The following USP49 variants were observed in gnomAD, a reference collection of about 807,000 sequenced individuals.
USP49 encodes the protein ubiquitin specific peptidase 49, also known as ubiquitin carboxyl-terminal hydrolase 49.
USP49 carries 24 observed loss-of-function variants against 58.6 expected under a neutral mutation model. That is an observed-to-expected ratio of 0.41 (90% CI 0.30 to 0.58). The LOEUF (loss-of-function observed/expected upper bound fraction) is 0.58. Among genes scored for constraint, USP49 ranks in the 20% least tolerant of loss-of-function variants. The probability of loss-of-function intolerance (pLI) is 0.30; values close to 1 mark genes in which losing one functional copy is unlikely to be tolerated. For missense variants in USP49, 703 were observed against 866.1 expected (o/e 0.81, Z 2.36); for synonymous variants, 408 against 365.1 (o/e 1.12, Z -1.34).
At chr6:41,805,050 C>G (rs1279623654) in intron 4 of USP49, among the ~76,000 whole-genome samples, 3 of 152,218 alleles carry the variant, frequency 2.0e-5, no homozygotes, top group Admixed American at 6.5e-5. Context: ...GCCCGGCACA[C>G]CTGCCTTTTT....
intron 3 of USP49, among the ~76,000 whole-genome samples, chr6:41,811,122 G>A (rs1773250944): frequency 6.6e-6 from 1 of 152,070 alleles, no homozygotes; most frequent in Admixed American, 6.6e-5. Context: ...AGATGGCAGA[G>A]GCATGTCTTT....
chr6:41,815,716 G>A (rs1041267062), intron 3 of USP49, among the ~76,000 whole-genome samples: 1 of 152,178 alleles, frequency 6.6e-6, no homozygotes, highest in Non-Finnish European at 1.5e-5. Flanking sequence ...TGACCCAAGA[G>A]CTGGAATGTC....
chr6:41,887,565 G>A (rs1300546189), intron 2 of USP49, among the ~76,000 whole-genome samples: 3 of 152,110 alleles, frequency 2.0e-5, no homozygotes, highest in African/African-American at 7.2e-5. Flanking sequence ...ATGAGGGTAG[G>A]GAATAATGGA....
intron 3 of USP49, among the ~76,000 whole-genome samples, chr6:41,842,500 CA>C (rs1412446702): frequency 6.6e-6 from 1 of 152,134 alleles, no homozygotes; most frequent in Non-Finnish European, 1.5e-5. Context: ...CCCAAAACAA[CA>C]TAGAAGTATG....
At chr6:41,820,137 G>A (rs900369790) in intron 3 of USP49, among the ~76,000 whole-genome samples, 1 of 150,594 alleles carries the variant, frequency 6.6e-6, no homozygotes, top group Non-Finnish European at 1.5e-5. Context: ...AGATAACTGG[G>A]GAAAAATGTT....
At chr6:41,802,474 TATTTA>T (rs369378306) in intron 5 of USP49, among the ~76,000 whole-genome samples, 2,085 of 88,870 alleles carry the variant, frequency 0.023, 112 homozygotes, top group Non-Finnish European at 0.027. Flanking sequence ...ATTTATTTTT[TATTTA>T]TTTTTTTTTT....
chr6:41,837,994 A>G (rs1773757837), intron 3 of USP49, among the ~76,000 whole-genome samples: 1 of 152,224 alleles, frequency 6.6e-6, no homozygotes, highest in African/African-American at 2.4e-5. Flanking sequence ...CCACTTATAC[A>G]ATACTAGTGG....
In USP49 at chr6:41,798,417, G is replaced by A. The variant is rs896962519; in HGVS notation, c.1876+307C>T. ...GCCTCTTGAGTACCTGGGATTACCAGTGCCCACCACCACGCCCGGCTAATT... is the reference window on the plus strand; with the variant it reads ...GCCTCTTGAGTACCTGGGATTACCAATGCCCACCACCACGCCCGGCTAATT... On this transcript the variant is annotated intron_variant, in intron 7 of 7. Coordinates refer to ENST00000682992, the MANE Select transcript of USP49 (RefSeq NM_001286554.2). The A allele has an allele frequency of 3.6e-4, 170 of 474,668 alleles. No homozygotes were observed. In the Middle Eastern group the frequency reaches 4.1e-3, roughly 11 times the overall value. The allele number at this position is 474,668 out of a possible 1,614,324, so 29.4% of individuals were successfully genotyped here. A position where few individuals can be genotyped will look rare whatever the true frequency, so the allele number is the denominator to read the frequency against.
At chr6:41,817,548 C>T (rs1167132234) in intron 3 of USP49, among the ~76,000 whole-genome samples, 1 of 150,524 alleles carries the variant, frequency 6.6e-6, no homozygotes, top group African/African-American at 2.4e-5. Flanking sequence ...CAACCTCCAC[C>T]CACTGGGTTC....
intron 3 of USP49, among the ~76,000 whole-genome samples, chr6:41,843,727 G>A (rs550054563): frequency 5.5e-4 from 84 of 151,924 alleles, no homozygotes; most frequent in African/African-American, 2.0e-3. Context: ...GGGCAACATG[G>A]CAAAACCCTG....
intron 3 of USP49, among the ~76,000 whole-genome samples, chr6:41,819,810 A>G (rs759634149): frequency 2.0e-5 from 3 of 152,194 alleles, no homozygotes; most frequent in Non-Finnish European, 4.4e-5. Context: ...ACCTATTATA[A>G]AATACTCTTG....
At chr6:41,811,968 A>C (rs1773264194) in intron 3 of USP49, among the ~76,000 whole-genome samples, 1 of 152,190 alleles carries the variant, frequency 6.6e-6, no homozygotes, top group Non-Finnish European at 1.5e-5. Flanking sequence ...GTAGTCCCTG[A>C]ACTACCTACC....
chr6:41,812,474 A>G (rs1426726409), intron 3 of USP49, among the ~76,000 whole-genome samples: 4 of 151,506 alleles, frequency 2.6e-5, no homozygotes, highest in African/African-American at 9.7e-5. Flanking sequence ...CGGGCGGATC[A>G]CGAGGTCAGG....
At chr6:41,810,182 A>G (rs1773228969) in intron 3 of USP49, among the ~76,000 whole-genome samples, 3 of 150,588 alleles carry the variant, frequency 2.0e-5, no homozygotes, top group African/African-American at 7.3e-5. Flanking sequence ...TAAAAAAATA[A>G]AGAAAATAAT....
chr6:41,802,451 TA>T lies in USP49; in HGVS notation c.1561+1354del, dbSNP rs1342461115. Among the ~76,000 whole-genome samples, 282 of 88,258 alleles carry T rather than the reference TA, an allele frequency of 3.2e-3. 2 individuals carry two copies. Among genetic ancestry groups the T allele is most frequent in the Middle Eastern group, 5.0e-3 (1 of 200 alleles). The allele number at this position is 88,258 out of a possible 152,430, so 57.9% of individuals were successfully genotyped here. On this transcript the variant is annotated intron_variant, in intron 5 of 7. Transcript: ENST00000682992. ...TATTTTATTTATTTATTTATTTATT[TA>T]TTTATTTATTTATTTATTTTTTATT...
intron 3 of USP49, among the ~76,000 whole-genome samples, chr6:41,846,157 A>C (rs1024890075): frequency 6.6e-6 from 1 of 152,070 alleles, no homozygotes; most frequent in Non-Finnish European, 1.5e-5. Context: ...CTTTACTAAA[A>C]ATACAAAAAT....
chr6:41,842,702 G>T (rs1181754532), intron 3 of USP49, among the ~76,000 whole-genome samples: 1 of 152,044 alleles, frequency 6.6e-6, no homozygotes, highest in Non-Finnish European at 1.5e-5. Flanking sequence ...GCAAAAGTCA[G>T]CCAGGTCTTA....
intron 2 of USP49, among the ~76,000 whole-genome samples, chr6:41,884,729 T>C (rs1018411289): frequency 1.3e-4 from 20 of 152,352 alleles, no homozygotes; most frequent in Admixed American, 3.9e-4. Context: ...CCAAGAACTC[T>C]GCTTAAATAG....
chr6:41,888,641 C>G (rs1158061894), intron 2 of USP49, among the ~76,000 whole-genome samples: 1 of 151,772 alleles, frequency 6.6e-6, no homozygotes, highest in Non-Finnish European at 1.5e-5. Context: ...TTAGTAGAGA[C>G]GGGGTTTCTC....
Sources: gnomAD v4.1 joint callset for allele counts (sites outside exome capture counted in the v4.1 genomes callset) on GRCh38, gnomAD v4.1.1 for gene constraint, MANE v1.5 for transcripts, NCBI Gene and HGNC (gene_info 2026-07-23, HGNC 2026-07-21) for gene names.